UNC13C: variants seen among roughly 807,000 people sequenced by gnomAD.
UNC13C encodes the protein unc-13 homolog C, also known as protein unc-13 homolog C.
In UNC13C, 174 loss-of-function variants were observed where a neutral mutation model predicts 245.4. The ratio of observed to expected loss-of-function variants is 0.71; its 90% CI spans 0.63 to 0.80. The LOEUF is 0.80. Among genes scored for constraint, UNC13C ranks in the 30% least tolerant of loss-of-function variants. The pLI, the probability that UNC13C is intolerant of heterozygous loss-of-function variation, is 0.00. For missense variants in UNC13C, 2,829 were observed against 2,602.9 expected, an observed-to-expected ratio of 1.09 and a Z score of -1.89; for synonymous variants, 992 against 895.1, an observed-to-expected ratio of 1.11 and a Z score of -1.93.
rs1429134206 is a variant in UNC13C, at chr15:54,172,709, TATATATATATATATATATATATA to T, written c.3071+29026_3071+29048del. Among the ~76,000 whole-genome samples the T allele has an allele frequency of 9.8e-4, 53 of 54,228 alleles. 2 individuals carry two copies. The highest frequency in any genetic ancestry group is 3.6e-3 in the African/African-American group (22 of 6,046). 35.6% of individuals were successfully genotyped at this position (54,228 alleles called of 152,430 possible). ...AAAGTCAAATACACACACAGATATATATATATATATATATATATATATATATATATATATATATATATATATAT... is the reference window on the plus strand; with the variant it reads ...AAAGTCAAATACACACACAGATATATTATATATATATATATATATATATAT... On this transcript the variant is annotated intron_variant, in intron 4 of 32. Transcript: ENST00000260323.
intron 19 of UNC13C, among the ~76,000 whole-genome samples, chr15:54,472,776 C>A (rs1892528797): frequency 6.6e-6 from 1 of 151,854 alleles, no homozygotes; most frequent in African/African-American, 2.4e-5. Flanking sequence ...AATAGACGTT[C>A]TCACATATAT....
intron 19 of UNC13C, among the ~76,000 whole-genome samples, chr15:54,443,453 G>C (rs1890643253): frequency 6.6e-6 from 1 of 151,304 alleles, no homozygotes; most frequent in East Asian, 1.9e-4. Flanking sequence ...TTTCGGATTT[G>C]GTTTCTTCTT....
chr15:54,544,571 C>T (rs62022201), intron 26 of UNC13C, among the ~76,000 whole-genome samples: 7,973 of 152,242 alleles, frequency 0.052, 349 homozygotes, highest in Admixed American at 0.13. Context: ...CCAAAATCTC[C>T]TGAAGCTGAT....
chr15:53,957,090 A>G, the UNC13C span, among the ~76,000 whole-genome samples: 13 of 152,132 alleles, frequency 8.5e-5, no homozygotes, highest in African/African-American at 3.1e-4. Flanking sequence ...ATATTGTGAT[A>G]TTATAACATG....
intron 28 of UNC13C, among the ~76,000 whole-genome samples, chr15:54,553,704 C>T (rs1053993385): frequency 4.6e-5 from 7 of 151,026 alleles, no homozygotes; most frequent in African/African-American, 1.7e-4. Flanking sequence ...TTTCAGAGAT[C>T]CCCTTACTTG....
At position 53,990,972 on chromosome 15, in the gene UNC13C, G is replaced by A. The variant is rs557498997; in HGVS notation, c.-257+12045G>A. On this transcript the variant is annotated intron_variant, in intron 1 of 32. Coordinates refer to ENST00000260323, the MANE Select transcript of UNC13C (RefSeq NM_001080534.3). ...GAGAACGAAGTTGTAGGGATGGGGA[G>A]TACAAATACTCCAGTGGAACACTGA... Among the ~76,000 whole-genome samples the A allele has an allele frequency of 3.9e-5, 6 of 152,144 alleles. No homozygotes were observed. In the South Asian group the frequency reaches 1.2e-3, roughly 32 times the overall value.
chr15:54,128,440 G>A (rs2031196994), intron 2 of UNC13C, among the ~76,000 whole-genome samples: 1 of 151,996 alleles, frequency 6.6e-6, no homozygotes, highest in Non-Finnish European at 1.5e-5. Context: ...TGTTTTAGCG[G>A]CATTGGAATC....
the UNC13C span, among the ~76,000 whole-genome samples, chr15:53,873,566 G>C: frequency 6.6e-6 from 1 of 152,112 alleles, no homozygotes; most frequent in Admixed American, 6.5e-5. Flanking sequence ...AAGAGGCTCA[G>C]AAGGCAAATC....
chr15:53,968,712 T>A, the UNC13C span, among the ~76,000 whole-genome samples: 1 of 152,132 alleles, frequency 6.6e-6, no homozygotes, highest in East Asian at 1.9e-4. Flanking sequence ...TGAGAAAGGA[T>A]CTAAATTTCT....
At chr15:54,047,385 T>C (rs1897084019) in intron 2 of UNC13C, among the ~76,000 whole-genome samples, 1 of 152,056 alleles carries the variant, frequency 6.6e-6, no homozygotes, top group Non-Finnish European at 1.5e-5. Context: ...GCAGAAGCTA[T>C]GTACCCGTTA....
chr15:53,962,744 A>G, the UNC13C span, among the ~76,000 whole-genome samples: 1 of 152,200 alleles, frequency 6.6e-6, no homozygotes, highest in Non-Finnish European at 1.5e-5. Context: ...AGCAAATGCC[A>G]TGGTTTTTAG....
At chr15:54,407,144 A>G (rs1200616427) in intron 18 of UNC13C, among the ~76,000 whole-genome samples, 1 of 152,230 alleles carries the variant, frequency 6.6e-6, no homozygotes, top group Non-Finnish European at 1.5e-5. Flanking sequence ...AGTTAGAAAT[A>G]TGATGGCCTG....
At chr15:53,879,822 C>T in the UNC13C span, among the ~76,000 whole-genome samples, 59 of 152,128 alleles carry the variant, frequency 3.9e-4, no homozygotes, top group African/African-American at 1.3e-3. Flanking sequence ...CCTGACCTCA[C>T]GATCCACCTG....
chr15:54,259,263 A>G (rs1355483742), intron 8 of UNC13C, among the ~76,000 whole-genome samples: 1 of 152,202 alleles, frequency 6.6e-6, no homozygotes, highest in Non-Finnish European at 1.5e-5. Flanking sequence ...ATCAGGATTC[A>G]CTCAAGATTT....
chr15:54,171,194 C>A (rs1032564929), intron 4 of UNC13C, among the ~76,000 whole-genome samples: 8 of 152,024 alleles, frequency 5.3e-5, no homozygotes, highest in Admixed American at 4.6e-4. Flanking sequence ...GATCAACTTG[C>A]AATTACTATA....
chr15:54,404,569 A>G (rs1351866056), intron 18 of UNC13C, among the ~76,000 whole-genome samples: 1 of 152,168 alleles, frequency 6.6e-6, no homozygotes, highest in Non-Finnish European at 1.5e-5. Context: ...AAGAAGAGGT[A>G]GAGCTCTACC....
At chr15:54,004,336 A>T (rs1166535422) in intron 1 of UNC13C, among the ~76,000 whole-genome samples, 2 of 152,102 alleles carry the variant, frequency 1.3e-5, no homozygotes, top group Non-Finnish European at 2.9e-5. Flanking sequence ...AAATGACAGG[A>T]TCTCATTATT....
the UNC13C span, among the ~76,000 whole-genome samples, chr15:53,860,975 C>T: frequency 6.6e-6 from 1 of 152,010 alleles, no homozygotes; most frequent in Non-Finnish European, 1.5e-5. Context: ...ATTTTCTGAA[C>T]CAAAATATGG....
rs542972453 is a variant in UNC13C at position 54,234,225 on chromosome 15, T to G, written c.3072-805T>G. Among the ~76,000 whole-genome samples the G allele has an allele frequency of 2.7e-3, 375 of 136,850 alleles. 1 individual carries two copies. Among genetic ancestry groups the G allele is most frequent in the African/African-American group, 0.01 (361 of 34,458 alleles). The allele number at this position is 136,850 out of a possible 152,430, so 89.8% of individuals were successfully genotyped here. A position where few individuals can be genotyped will look rare whatever the true frequency, so the allele number is the denominator to read the frequency against. ...CATAAACATATATATATAAGTTTAG[T>G]ACACTCCCATGTCAGTATATATATA... On this transcript the variant is annotated intron_variant, in intron 4 of 32. Coordinates refer to ENST00000260323, the MANE Select transcript of UNC13C (RefSeq NM_001080534.3).
Sources: allele counts gnomAD v4.1 joint callset (sites outside exome capture counted in the v4.1 genomes callset), GRCh38; gene constraint gnomAD v4.1.1; transcripts MANE v1.5; gene names NCBI Gene and HGNC (gene_info 2026-07-23, HGNC 2026-07-21).